Variants in EDIL3 observed in about 807,000 individuals in gnomAD.
EDIL3 encodes the protein EGF-like repeat and discoidin I-like domain-containing protein 3.
Under a neutral mutation model 67.4 loss-of-function variants are expected in EDIL3, and 37 were observed. That is an observed-to-expected ratio of 0.55 (90% CI 0.42 to 0.72). EDIL3 has a LOEUF of 0.72. Among genes scored for constraint, EDIL3 ranks in the 30% least tolerant of loss-of-function variants. EDIL3 has a pLI of 0.00. For missense variants in EDIL3, 527 were observed against 586.3 expected (o/e 0.90, Z 1.04); for synonymous variants, 195 against 196.3 (o/e 0.99, Z 0.05).
At chr5:84,310,302 T>C (rs1746358694) in intron 1 of EDIL3, among the ~76,000 whole-genome samples, 2 of 152,180 alleles carry the variant, frequency 1.3e-5, no homozygotes, top group African/African-American at 4.8e-5. Flanking sequence ...GAAGGTAATT[T>C]ATCCAAAGTG....
chr5:84,366,116 A>T (rs768363919), intron 1 of EDIL3, among the ~76,000 whole-genome samples: 21 of 152,100 alleles, frequency 1.4e-4, no homozygotes, highest in Non-Finnish European at 2.9e-4. Context: ...TATTTTGCCA[A>T]AAAGTAAAAA....
chr5:84,348,175 T>C lies in EDIL3; in HGVS notation c.67+36133A>G, dbSNP rs146283434. Among the ~76,000 whole-genome samples the C allele has an allele frequency of 3.9e-4, 59 of 152,264 alleles. No individual in the cohort carries two copies. In the East Asian group the frequency reaches 0.011, roughly 29 times the overall value. On this transcript the variant is annotated intron_variant, in intron 1 of 10. Transcript: ENST00000296591. ...GCCAAACTTTGGAAAAGGTGGTAAATACATTTCAGGGAATTTTACCACTTG... is the reference window on the plus strand; with the variant it reads ...GCCAAACTTTGGAAAAGGTGGTAAACACATTTCAGGGAATTTTACCACTTG...
At chr5:84,076,872 A>G (rs1342156783) in intron 6 of EDIL3, among the ~76,000 whole-genome samples, 1 of 152,176 alleles carries the variant, frequency 6.6e-6, no homozygotes, top group African/African-American at 2.4e-5. Context: ...AAAGTAGGGG[A>G]AAGGAGTTGT....
At chr5:84,179,418 A>G (rs867548175) in intron 4 of EDIL3, among the ~76,000 whole-genome samples, 4 of 152,176 alleles carry the variant, frequency 2.6e-5, no homozygotes, top group African/African-American at 4.8e-5. Context: ...ATGCACTACA[A>G]TAGGTTTCTA....
At chr5:83,950,439 A>G (rs1430933452) in intron 10 of EDIL3, among the ~76,000 whole-genome samples, 9 of 151,802 alleles carry the variant, frequency 5.9e-5, no homozygotes, top group Admixed American at 5.3e-4. Context: ...AGGAACCTCA[A>G]TTGTCTGAAA....
At chr5:84,325,466 T>TAA (rs199887126) in intron 1 of EDIL3, among the ~76,000 whole-genome samples, 2 of 151,392 alleles carry the variant, frequency 1.3e-5, no homozygotes, top group Non-Finnish European at 1.5e-5. Context: ...ATGATTATAA[T>TAA]AAAAAAAACA....
intron 6 of EDIL3, among the ~76,000 whole-genome samples, chr5:84,083,345 G>C (rs2112260465): frequency 6.6e-6 from 1 of 152,174 alleles, no homozygotes; most frequent in Non-Finnish European, 1.5e-5. Context: ...TGGGAGTCCT[G>C]TACTGTCTTT....
At chr5:84,082,755 T>C (rs1210767392) in intron 6 of EDIL3, among the ~76,000 whole-genome samples, 2 of 152,224 alleles carry the variant, frequency 1.3e-5, no homozygotes, top group East Asian at 3.8e-4. Flanking sequence ...AATTTAAGTT[T>C]ATGATTCAAA....
chr5:84,005,887 C>T (rs1745406009), intron 9 of EDIL3, among the ~76,000 whole-genome samples: 1 of 151,854 alleles, frequency 6.6e-6, no homozygotes, highest in Admixed American at 6.6e-5. Context: ...AACTATCTCT[C>T]CTCGCAGATG....
At chr5:84,039,045 T>C (rs1228672457) in intron 9 of EDIL3, among the ~76,000 whole-genome samples, 1 of 152,076 alleles carries the variant, frequency 6.6e-6, no homozygotes, top group Admixed American at 6.6e-5. Context: ...AAAATGCTAT[T>C]CCCAATTTCA....
In EDIL3 at chr5:84,205,827, C is replaced by T. The variant is rs529566397; in HGVS notation, c.226+24028G>A. ...TTTTTTTCTTTATTAGTCTTGCTAGCGGTCTATCAATTTTGTTGATCCTTT... is the reference window on the plus strand; with the variant it reads ...TTTTTTTCTTTATTAGTCTTGCTAGTGGTCTATCAATTTTGTTGATCCTTT... On this transcript the variant is annotated intron_variant, in intron 3 of 10. Transcript: ENST00000296591. Among the ~76,000 whole-genome samples, 795 of 151,456 alleles carry T rather than the reference C, an allele frequency of 5.2e-3. 8 individuals carry two copies. Among genetic ancestry groups the T allele is most frequent in the African/African-American group, 0.018 (760 of 41,232 alleles).
intron 6 of EDIL3, among the ~76,000 whole-genome samples, chr5:84,095,206 G>A (rs779745602): frequency 8.5e-5 from 13 of 152,192 alleles, no homozygotes; most frequent in Non-Finnish European, 1.9e-4. Context: ...CACTAGGCCT[G>A]TGGAGCAATT....
Position 84,106,748 on chromosome 5 carries a change from A to G in EDIL3, c.552T>C (p.Phe184=), listed in dbSNP as rs774186794. 1 of 1,613,506 alleles carries G rather than the reference A, an allele frequency of 6.2e-7. No homozygotes were observed. Among genetic ancestry groups the G allele is most frequent in the Non-Finnish European group, 8.5e-7 (1 of 1,179,634 alleles). Residue 184 remains phenylalanine, a synonymous_variant, in exon 6 of 11, where the codon TTT becomes TTC. Transcript: ENST00000296591. The stretch of plus-strand genomic sequence containing the variant: ...AGTAGGGATACCATTTTTGGAGTCC[A>G]AAAAGAGCTCGGTGAGTAGAGGAAG... ...ITASSTHRAL[F]GLQKWYPYYA...
At chr5:84,225,221 G>A (rs559673184) in intron 3 of EDIL3, among the ~76,000 whole-genome samples, 15 of 151,610 alleles carry the variant, frequency 9.9e-5, no homozygotes, top group Admixed American at 9.2e-4. Flanking sequence ...AATCAATAAG[G>A]GGATGCATGC....
At chr5:84,134,645 A>G (rs1748056547) in intron 5 of EDIL3, among the ~76,000 whole-genome samples, 1 of 152,210 alleles carries the variant, frequency 6.6e-6, no homozygotes, top group Non-Finnish European at 1.5e-5. Flanking sequence ...TTAAGAGACT[A>G]CAGAAAAAAG....
chr5:84,354,140 A>G (rs1399235566), intron 1 of EDIL3, among the ~76,000 whole-genome samples: 1 of 152,178 alleles, frequency 6.6e-6, no homozygotes, highest in Admixed American at 6.5e-5. Flanking sequence ...AGAACACAGT[A>G]AGAGTGCAAT....
chr5:84,312,283 G>A (rs1561253742), intron 1 of EDIL3, among the ~76,000 whole-genome samples: 1 of 145,546 alleles, frequency 6.9e-6, no homozygotes, highest in Non-Finnish European at 1.5e-5. Flanking sequence ...GCCGGGCGGG[G>A]GCTGACCCCC....
intron 1 of EDIL3, among the ~76,000 whole-genome samples, chr5:84,278,251 A>G (rs534724124): frequency 6.6e-6 from 1 of 152,176 alleles, no homozygotes; most frequent in Admixed American, 6.5e-5. Flanking sequence ...CAGACTGTCT[A>G]TTCCTCTCTT....
At chr5:84,338,961 A>T (rs1295187966) in intron 1 of EDIL3, among the ~76,000 whole-genome samples, 1 of 151,996 alleles carries the variant, frequency 6.6e-6, no homozygotes, top group African/African-American at 2.4e-5. Flanking sequence ...AGTCCTGCAA[A>T]TAATGTAAAT....
Sources: gnomAD v4.1 joint callset for allele counts (sites outside exome capture counted in the v4.1 genomes callset) on GRCh38, gnomAD v4.1.1 for gene constraint, MANE v1.5 for transcripts, NCBI Gene and HGNC (gene_info 2026-07-23, HGNC 2026-07-21) for gene names.